The following DIPK2B variants were observed in gnomAD, a reference collection of about 807,000 sequenced individuals.
DIPK2B encodes the protein UPF0672 protein CXorf36.
A neutral mutation model predicts 22.2 loss-of-function variants in DIPK2B; 15 were observed. The ratio of observed to expected loss-of-function variants is 0.68; its 90% CI spans 0.45 to 1.04. DIPK2B has a LOEUF of 1.04. Ranked by LOEUF, DIPK2B falls within the 50% of genes least tolerant of loss-of-function variation. The pLI is 0.00. For synonymous variants in DIPK2B, 163 were observed against 153.2 expected (o/e 1.06, Z -0.47); for missense variants, 345 against 348.3 (o/e 0.99, Z 0.08).
rs761954583 is a variant in DIPK2B, at chrX:45,157,805, G to C, written c.582C>G (p.Ala194=). ...TGAAGTGGTCCATGAAGATGCTGCC[G>C]GCGTCGGCCACCTCTGCATAGCGCC... The part of the protein sequence containing the change: ...VVRRYAEVAD[A]GSIFMDHFTD... The change falls in exon 3 of 5, where the codon GCC becomes GCG. Residue 194 remains alanine, a synonymous_variant. Coordinates refer to ENST00000398000, the MANE Select transcript of DIPK2B (RefSeq NM_176819.4). 7.6e-6 allele frequency: 9 copies of C among 1,182,718 alleles called. No homozygotes were observed. The South Asian group carries it at 1.5e-4, about 20-fold the overall frequency.
At chrX:45,153,006 T>G (rs887169027) in intron 4 of DIPK2B, among the ~76,000 whole-genome samples, 2 of 112,228 alleles carry the variant, frequency 1.8e-5, no homozygotes, top group African/African-American at 6.5e-5. Context: ...AAATATGTAT[T>G]CAATGAGTTG....
At position 45,154,024 on chromosome X, in the gene DIPK2B, A is replaced by G; in HGVS notation, c.847T>C (p.Leu283=). ...GVLESLRSND[L]NYFFYFTHID... The stretch of plus-strand genomic sequence containing the variant: ...TGGGTGAAGTAGAAGAAATAGTTCA[A>G]ATCGTTGCTCCTCAAAGACTCCAGG... Residue 283 remains leucine, a synonymous_variant, in exon 4 of 5, where the codon TTG becomes CTG. Coordinates refer to ENST00000398000, the MANE Select transcript of DIPK2B (RefSeq NM_176819.4). The G allele has an allele frequency of 8.3e-7, 1 of 1,211,045 alleles. No homozygotes were observed. Among genetic ancestry groups the G allele is most frequent in the Non-Finnish European group, 1.1e-6 (1 of 895,281 alleles).
chrX:45,175,278 G>T (rs755585087), intron 2 of DIPK2B, among the ~76,000 whole-genome samples: 35 of 111,026 alleles, frequency 3.2e-4, no homozygotes, highest in Non-Finnish European at 5.8e-4. Context: ...CATTATTTAT[G>T]ATAATAAAAA....
At chrX:45,156,267 C>T (rs915111134) in intron 3 of DIPK2B, among the ~76,000 whole-genome samples, 5 of 110,999 alleles carry the variant, frequency 4.5e-5, no homozygotes, top group Non-Finnish European at 9.4e-5. Context: ...CCACAGCACC[C>T]GGCCCAGAGG....
At position 45,184,244 on chromosome X, in the gene DIPK2B, T is replaced by C. The variant is rs151243704; in HGVS notation, c.498+7507A>G. On this transcript the variant is annotated intron_variant, in intron 2 of 4. Transcript: ENST00000398000. ...ATGATTCCAGGGCGTAGAAATACTT[T>C]ACATAAGTGAGAGCTACAAGAAGAC... is the stretch of plus-strand genomic sequence containing the variant. 5.3e-3 allele frequency among the ~76,000 whole-genome samples: 593 copies of C among 111,684 alleles called. 1 individual carries two copies. Among genetic ancestry groups the C allele is most frequent in the African/African-American group, 0.018 (559 of 30,717 alleles).
At chrX:45,191,564 C>T (rs2047210745) in intron 2 of DIPK2B, 187 bp downstream of exon 2, 2 of 494,920 alleles carry the variant, frequency 4.0e-6, no homozygotes, top group South Asian at 7.2e-5. Context: ...GGGATGGAAC[C>T]TTATAAGTAA....
chrX:45,174,333 T>A lies in DIPK2B; in HGVS notation c.499-16445A>T, dbSNP rs763826568. ...TCTACTTTGTATAAGGTGTTGGACC[T>A]TATATAAAGTAGGACCTTCTGAGGT... On this transcript the variant is annotated intron_variant, in intron 2 of 4. Coordinates refer to ENST00000398000, the MANE Select transcript of DIPK2B (RefSeq NM_176819.4). Among the ~76,000 whole-genome samples, 5 of 111,991 alleles carry A rather than the reference T, an allele frequency of 4.5e-5. No homozygotes were observed. The East Asian group carries it at 1.4e-3, about 31-fold the overall frequency.
At chrX:45,183,759 T>C (rs1423840591) in intron 2 of DIPK2B, among the ~76,000 whole-genome samples, 1 of 112,032 alleles carries the variant, frequency 8.9e-6, no homozygotes, top group African/African-American at 3.2e-5. Context: ...GGAAACAAGA[T>C]TTGGGCTGCA....
chrX:45,193,883 C>T (rs2047224817), intron 1 of DIPK2B, among the ~76,000 whole-genome samples: 1 of 111,049 alleles, frequency 9.0e-6, no homozygotes, highest in Admixed American at 9.6e-5. Context: ...GCAGCTGCTC[C>T]TGCTCATGGA....
chrX:45,192,056 G>A (rs1484820608), intron 1 of DIPK2B, 41 bp from the exon 2 acceptor site: 2 of 1,148,913 alleles, frequency 1.7e-6, no homozygotes, highest in Admixed American at 2.6e-5. Flanking sequence ...CCTGTGAGCT[G>A]GAGGCTCACA....
In DIPK2B at chrX:45,157,761, C is replaced by CGCA; in HGVS notation, c.623_625dup (p.Leu208dup). 1 of 1,196,688 alleles carries CGCA rather than the reference C, an allele frequency of 8.4e-7. No individual in the cohort carries two copies. On this transcript the variant is annotated inframe_insertion, in exon 3 of 5. Coordinates refer to ENST00000398000, the MANE Select transcript of DIPK2B (RefSeq NM_176819.4). ...GTTGACAGCCAGCGTGTAGAGCAGG[C>CGCA]GCAGCTTGTCACGGTCGGTGAAGTG...
Position 45,152,021 on chromosome X carries a change from C to T in DIPK2B, c.962-29G>A, listed in dbSNP as rs1197749054. The T allele has an allele frequency of 6.2e-6, 7 of 1,120,952 alleles. No homozygotes were observed. In the East Asian group the frequency reaches 2.3e-4, roughly 37 times the overall value. 92.4% of individuals were successfully genotyped at this position (1,120,952 alleles called of 1,213,427 possible). ...GAAAAGAAATGGGAAGTATTACACA[C>T]CCTGCCACCAGTGCTCCTTGAGGGA... On this transcript the variant is annotated intron_variant, in intron 4 of 4. Coordinates refer to ENST00000398000, the MANE Select transcript of DIPK2B (RefSeq NM_176819.4).
intron 2 of DIPK2B, among the ~76,000 whole-genome samples, chrX:45,167,239 C>G (rs756432007): frequency 9.0e-6 from 1 of 111,060 alleles, no homozygotes; most frequent in African/African-American, 3.3e-5. Flanking sequence ...GCCTATATTC[C>G]CAGCACTTTG....
chrX:45,163,314 A>G (rs1446487915), intron 2 of DIPK2B: 1 of 608,895 alleles, frequency 1.6e-6, no homozygotes, highest in Non-Finnish European at 2.0e-6. Context: ...CAATTCTTTG[A>G]AATAAATCTG....
In DIPK2B at chrX:45,151,655, G is replaced by T; in HGVS notation, c.1299C>A (p.Phe433Leu). The T allele has an allele frequency of 1.7e-6, 2 of 1,209,689 alleles. No individual in the cohort carries two copies. Among genetic ancestry groups the T allele is most frequent in the Middle Eastern group, 2.3e-4 (1 of 4,332 alleles). ...RYPDCKYNDK[F>L] ...AGGCCAGCTAGACACCAGCCCTTCA[G>T]AACTTATCGTTATATTTGCAATCTG... The change falls in exon 5 of 5, where the codon TTC becomes TTA. Residue 433 changes from phenylalanine (F) to leucine (L), a missense_variant. Phe to Leu is a conservative substitution (Grantham distance 22). Coordinates refer to ENST00000398000, the MANE Select transcript of DIPK2B (RefSeq NM_176819.4).
chrX:45,177,024 A>T (rs2148343537), intron 2 of DIPK2B, among the ~76,000 whole-genome samples: 1 of 111,450 alleles, frequency 9.0e-6, no homozygotes, highest in South Asian at 3.8e-4. Flanking sequence ...TTGAAATGTG[A>T]TCCCTGCCAG....
intron 1 of DIPK2B, among the ~76,000 whole-genome samples, chrX:45,195,353 A>G (rs2047234190): frequency 9.0e-6 from 1 of 111,328 alleles, no homozygotes; most frequent in Admixed American, 9.5e-5. Flanking sequence ...CAGAGCTGGA[A>G]AAAAGCAACA....
chrX:45,187,468 GCACACACACA>G (rs34308256), intron 2 of DIPK2B, among the ~76,000 whole-genome samples: 1,532 of 98,466 alleles, frequency 0.016, 13 homozygotes, highest in Middle Eastern at 0.037. Context: ...GCGCGCGCGC[GCACACACACA>G]CACACACACA....
chrX:45,181,977 T>C (rs1426087341), intron 2 of DIPK2B, among the ~76,000 whole-genome samples: 2 of 108,804 alleles, frequency 1.8e-5, no homozygotes, highest in South Asian at 8.0e-4. Context: ...CTTGGGAGGC[T>C]GAAGGCAGGA....
Sources: gnomAD v4.1 joint callset for allele counts (sites outside exome capture counted in the v4.1 genomes callset) on GRCh38, gnomAD v4.1.1 for gene constraint, MANE v1.5 for transcripts, NCBI Gene and HGNC (gene_info 2026-07-23, HGNC 2026-07-21) for gene names.